The following ZNF385D variants were observed in gnomAD, a reference collection of about 807,000 sequenced individuals.
The protein encoded by ZNF385D is zinc finger protein 659.
Under a neutral mutation model 35.8 loss-of-function variants are expected in ZNF385D, and 15 were observed. The observed-to-expected ratio is 0.42, with a 90% CI of 0.28 to 0.64. The LOEUF is 0.64. ZNF385D is among the 30% of genes least tolerant of loss of function. The pLI is 0.23. For synonymous variants in ZNF385D, 212 were observed against 186.8 expected, an observed-to-expected ratio of 1.13 and a Z score of -1.10; for missense variants, 474 against 494.6, an observed-to-expected ratio of 0.96 and a Z score of 0.39.
intron 2 of ZNF385D, among the ~76,000 whole-genome samples, chr3:21,636,706 A>T (rs1238692806): frequency 6.6e-6 from 1 of 151,682 alleles, no homozygotes; most frequent in Non-Finnish European, 1.5e-5. Flanking sequence ...CACTGACTCA[A>T]ATGTTAATCT....
intron 1 of ZNF385D, among the ~76,000 whole-genome samples, chr3:21,736,031 C>G (rs1448854645): frequency 1.3e-5 from 2 of 152,212 alleles, no homozygotes; most frequent in East Asian, 3.8e-4. Context: ...CTCAAGTTGT[C>G]TACTCAGAAA....
At chr3:21,451,140 A>G (rs1702431536) in intron 4 of ZNF385D, among the ~76,000 whole-genome samples, 1 of 152,124 alleles carries the variant, frequency 6.6e-6, no homozygotes, top group Non-Finnish European at 1.5e-5. Flanking sequence ...TTTATCAGTT[A>G]GTCCAGATGG....
At chr3:22,120,258 G>C (rs989148892) in intron 3 of ZNF385D, among the ~76,000 whole-genome samples, 9 of 151,996 alleles carry the variant, frequency 5.9e-5, no homozygotes, top group African/African-American at 1.7e-4. Flanking sequence ...GTGGAGGATA[G>C]AAGTCTAAAC....
intron 1 of ZNF385D, among the ~76,000 whole-genome samples, chr3:21,675,832 T>G (rs1198590551): frequency 6.6e-6 from 1 of 152,094 alleles, no homozygotes; most frequent in Non-Finnish European, 1.5e-5. Context: ...TGTATTCTTT[T>G]TGTATCAACT....
At chr3:22,357,644 C>T (rs1392034443) in intron 2 of ZNF385D, among the ~76,000 whole-genome samples, 1 of 151,824 alleles carries the variant, frequency 6.6e-6, no homozygotes, top group East Asian at 1.9e-4. Context: ...TCAGTATATT[C>T]ATATTAGGTC....
intron 4 of ZNF385D, among the ~76,000 whole-genome samples, chr3:21,489,006 A>G (rs912921222): frequency 1.3e-5 from 2 of 152,140 alleles, no homozygotes; most frequent in African/African-American, 2.4e-5. Flanking sequence ...GAGTCTATTA[A>G]TAAACTGATG....
chr3:22,132,578 T>A (rs1527638), intron 3 of ZNF385D, among the ~76,000 whole-genome samples: 70,847 of 151,866 alleles, frequency 0.47, 17,688 homozygotes, highest in East Asian at 0.81. Context: ...AACATATGCC[T>A]CAATATACTA....
In ZNF385D at chr3:21,417,274, C is replaced by A. The variant is rs1224986811; in HGVS notation, c.*3940G>T. The stretch of plus-strand genomic sequence containing the variant: ...AGCTTAGCTATTAATCACTGTCATC[C>A]ATTTTACTGATGAAGAAATTAAGGG... On this transcript the variant is annotated 3_prime_UTR_variant, in exon 8 of 8. Coordinates refer to ENST00000281523, the MANE Select transcript of ZNF385D (RefSeq NM_024697.3). 1 of 152,032 alleles carries A rather than the reference C, an allele frequency of 6.6e-6. No individual in the cohort carries two copies. The highest frequency in any genetic ancestry group is 2.4e-5 in the African/African-American group (1 of 41,400). The allele number at this position is 152,032 out of a possible 1,614,324, so 9.4% of individuals were successfully genotyped here. A position where few individuals can be genotyped will look rare whatever the true frequency, so the allele number is the denominator to read the frequency against.
intron 3 of ZNF385D, among the ~76,000 whole-genome samples, chr3:21,969,650 C>T (rs958100270): frequency 3.3e-5 from 5 of 152,134 alleles, no homozygotes; most frequent in African/African-American, 9.7e-5. Context: ...GAGAAGGAAA[C>T]GAAGCTGGCT....
chr3:22,205,213 C>T (rs1046104157), intron 2 of ZNF385D, among the ~76,000 whole-genome samples: 1 of 151,396 alleles, frequency 6.6e-6, no homozygotes, highest in Non-Finnish European at 1.5e-5. Context: ...AGTGACATGA[C>T]AGGTTTAAAA....
chr3:22,325,248 A>C (rs1575121669), intron 2 of ZNF385D, among the ~76,000 whole-genome samples: 1 of 152,344 alleles, frequency 6.6e-6, no homozygotes, highest in East Asian at 1.9e-4. Context: ...AGAATAAACT[A>C]GTTTGAAAAC....
intron 3 of ZNF385D, among the ~76,000 whole-genome samples, chr3:21,860,794 G>A (rs1279252921): frequency 6.6e-6 from 1 of 152,138 alleles, no homozygotes; most frequent in Non-Finnish European, 1.5e-5. Flanking sequence ...GGAAGGCCAG[G>A]ATAAGGAATC....
At position 21,751,038 on chromosome 3, in the gene ZNF385D, T is replaced by C. The variant is rs1289370210; in HGVS notation, c.-122A>G. 5.8e-5 allele frequency: 92 copies of C among 1,574,914 alleles called. 1 individual carries two copies. In the Admixed American group the frequency reaches 1.6e-3, roughly 27 times the overall value. ...GAAATGTCCCCGGCGTGGAGAGCAG[T>C]GAGCGCCGAGAGCGTGCCTCCTCCG... On this transcript the variant is annotated 5_prime_UTR_variant, in exon 1 of 8. Coordinates refer to ENST00000281523, the MANE Select transcript of ZNF385D (RefSeq NM_024697.3).
In ZNF385D at chr3:21,595,349, A is replaced by G. The variant is rs540570568; in HGVS notation, c.166-30665T>C. Among the ~76,000 whole-genome samples the G allele has an allele frequency of 7.9e-5, 12 of 151,914 alleles. No individual in the cohort carries two copies. In the South Asian group the frequency reaches 2.3e-3, roughly 29 times the overall value. ...GGAGACAGAAACATATATAACTGCCATTCTCATTATATATACTATTATATC... is the reference window on the plus strand; with the variant it reads ...GGAGACAGAAACATATATAACTGCCGTTCTCATTATATATACTATTATATC... On this transcript the variant is annotated intron_variant, in intron 2 of 7. Coordinates refer to ENST00000281523, the MANE Select transcript of ZNF385D (RefSeq NM_024697.3).
chr3:21,781,520 C>A (rs989498714), intron 3 of ZNF385D, among the ~76,000 whole-genome samples: 1 of 152,090 alleles, frequency 6.6e-6, no homozygotes, highest in Admixed American at 6.6e-5. Flanking sequence ...TTTGAGAAAA[C>A]AAATAATTCT....
At chr3:21,597,219 G>T (rs905253055) in intron 2 of ZNF385D, among the ~76,000 whole-genome samples, 2 of 151,882 alleles carry the variant, frequency 1.3e-5, no homozygotes, top group Non-Finnish European at 1.5e-5. Flanking sequence ...TTCTTCCTTG[G>T]TGGGGACACT....
At chr3:21,647,402 C>G (rs62237406) in intron 2 of ZNF385D, among the ~76,000 whole-genome samples, 18,464 of 148,888 alleles carry the variant, frequency 0.12, 1,196 homozygotes, top group Admixed American at 0.15. Context: ...TCCTTCTTCT[C>G]TCCCTCTTTT....
intron 3 of ZNF385D, among the ~76,000 whole-genome samples, chr3:22,021,262 A>G (rs1020135493): frequency 6.6e-6 from 1 of 152,040 alleles, no homozygotes; most frequent in East Asian, 1.9e-4. Context: ...AAAGAAAAAA[A>G]AAGACTCAAC....
chr3:22,221,263 T>C (rs560554482), intron 2 of ZNF385D, among the ~76,000 whole-genome samples: 2 of 152,222 alleles, frequency 1.3e-5, no homozygotes, highest in Admixed American at 6.5e-5. Context: ...ACAGAGAATA[T>C]TAGAATCAAC....
Sources: gnomAD v4.1 joint callset for allele counts (sites outside exome capture counted in the v4.1 genomes callset) on GRCh38, gnomAD v4.1.1 for gene constraint, MANE v1.5 for transcripts, NCBI Gene and HGNC (gene_info 2026-07-23, HGNC 2026-07-21) for gene names.